GGACT: variants seen among roughly 807,000 people sequenced by gnomAD.
The protein encoded by GGACT is gamma-glutamylaminecyclotransferase.
For missense variants in GGACT, 241 were observed against 233.2 expected, an observed-to-expected ratio of 1.03 and a Z score of -0.22; for synonymous variants, 118 against 115.3, an observed-to-expected ratio of 1.02 and a Z score of -0.15.
rs540704081 is a variant in GGACT at position 100,571,339 on chromosome 13, G to C, written c.-11+12486C>G. ...GAAAATTGAAAAGACTGTATTTAAT[G>C]CAAAGATATTACAGTTTTTCTAATG... On this transcript the variant is annotated intron_variant, in intron 2 of 2. Coordinates refer to ENST00000683975, the MANE Select transcript of GGACT (RefSeq NM_001195087.2). Among the ~76,000 whole-genome samples the C allele has an allele frequency of 3.9e-5, 6 of 152,300 alleles. No homozygotes were observed. In the South Asian group the frequency reaches 1.2e-3, roughly 32 times the overall value.
At chr13:100,582,557 G>A (rs1158366725) in intron 2 of GGACT, among the ~76,000 whole-genome samples, 3 of 152,148 alleles carry the variant, frequency 2.0e-5, no homozygotes. Context: ...CCTTAAAACT[G>A]GAAAACCTGC....
chr13:100,557,031 A>C (rs2088714862), intron 2 of GGACT, among the ~76,000 whole-genome samples: 1 of 152,086 alleles, frequency 6.6e-6, no homozygotes, highest in Non-Finnish European at 1.5e-5. Flanking sequence ...CTGGGACTAC[A>C]AGCATACACC....
chr13:100,570,045 C>T (rs1219118431), intron 2 of GGACT, among the ~76,000 whole-genome samples: 1 of 152,246 alleles, frequency 6.6e-6, no homozygotes. Context: ...CACTTTCCCA[C>T]ACCTTCCTGT....
At chr13:100,542,154 G>A (rs1162554639) in intron 2 of GGACT, among the ~76,000 whole-genome samples, 1 of 152,186 alleles carries the variant, frequency 6.6e-6, no homozygotes, top group Non-Finnish European at 1.5e-5. Context: ...TCAGAAAAGC[G>A]AATCAAGAAT....
At position 100,550,417 on chromosome 13, in the gene GGACT, TACACACACACACACACACACACACAC is replaced by T. The variant is rs61669253; in HGVS notation, c.-10-17842_-10-17817del. The stretch of plus-strand genomic sequence containing the variant: ...AATTAAATCCGAGCCGATTATACTC[TACACACACACACACACACACACACAC>T]ACACACACACACACACCACTTTTAA... On this transcript the variant is annotated intron_variant, in intron 2 of 2. Coordinates refer to ENST00000683975, the MANE Select transcript of GGACT (RefSeq NM_001195087.2). 3.6e-4 allele frequency among the ~76,000 whole-genome samples: 26 copies of T among 72,514 alleles called. 1 individual carries two copies. The highest frequency in any genetic ancestry group is 2.0e-3 in the African/African-American group (24 of 12,194). 47.6% of individuals were successfully genotyped at this position (72,514 alleles called of 152,430 possible).
At chr13:100,579,440 A>G (rs1253524011) in intron 2 of GGACT, among the ~76,000 whole-genome samples, 1 of 151,960 alleles carries the variant, frequency 6.6e-6, no homozygotes, top group East Asian at 1.9e-4. Context: ...TCTCTTCCCC[A>G]GTGCAGGTGA....
At chr13:100,552,919 G>T in intron 2 of GGACT, among the ~76,000 whole-genome samples, 1 of 152,116 alleles carries the variant, frequency 6.6e-6, no homozygotes, top group East Asian at 1.9e-4. Context: ...TCCTGCAGGA[G>T]AGGGCGACCC....
At chr13:100,566,309 C>A (rs556569027) in intron 2 of GGACT, among the ~76,000 whole-genome samples, 4 of 152,228 alleles carry the variant, frequency 2.6e-5, no homozygotes, top group Non-Finnish European at 5.9e-5. Context: ...AATGTCTTCA[C>A]GTGCTCACAA....
In GGACT at chr13:100,543,796, C is replaced by T. The variant is rs370320574; in HGVS notation, c.-10-11195G>A. 9.9e-4 allele frequency among the ~76,000 whole-genome samples: 151 copies of T among 152,342 alleles called. 1 individual carries two copies. Among genetic ancestry groups the T allele is most frequent in the African/African-American group, 3.4e-3 (141 of 41,580 alleles). The stretch of plus-strand genomic sequence containing the variant: ...GGCCAGGGAGAAATAGTATCAGAAT[C>T]ATAAACTCCTGGTCCAGAAGGTGGC... On this transcript the variant is annotated intron_variant, in intron 2 of 2. Transcript: ENST00000683975.
chr13:100,564,814 C>T (rs990779821), intron 2 of GGACT, among the ~76,000 whole-genome samples: 4 of 152,178 alleles, frequency 2.6e-5, no homozygotes, highest in African/African-American at 9.7e-5. Flanking sequence ...GTGCTCTATG[C>T]CCCGGGCAGG....
At chr13:100,553,539 T>C (rs1443796102) in intron 2 of GGACT, among the ~76,000 whole-genome samples, 2 of 151,768 alleles carry the variant, frequency 1.3e-5, no homozygotes, top group Non-Finnish European at 2.9e-5. Flanking sequence ...GCAGGACAAG[T>C]TTACCTGAAG....
chr13:100,531,027 C>T lies in GGACT; in HGVS notation c.*1103G>A, dbSNP rs2088363802. On this transcript the variant is annotated 3_prime_UTR_variant, in exon 3 of 3. Coordinates refer to ENST00000683975, the MANE Select transcript of GGACT (RefSeq NM_001195087.2). ...ATGTTTTTGTGCCAGATGCAGTTAG[C>T]GATCACAGTCTGCCATTAAGTTGAA... The T allele has an allele frequency of 6.6e-6, 1 of 152,208 alleles. No homozygotes were observed. The highest frequency in any genetic ancestry group is 2.4e-5 in the African/African-American group (1 of 41,442). 9.4% of individuals were successfully genotyped at this position (152,208 alleles called of 1,614,324 possible).
In GGACT at chr13:100,531,366, G is replaced by A. The variant is rs532448311; in HGVS notation, c.*764C>T. ...TCACCCCCAAATGCTCTCCCTTCAG[G>A]GGGCAGGGACGGGGTCTGGCTACTG... On this transcript the variant is annotated 3_prime_UTR_variant, in exon 3 of 3. Coordinates refer to ENST00000683975, the MANE Select transcript of GGACT (RefSeq NM_001195087.2). 1 of 152,182 alleles carries A rather than the reference G, an allele frequency of 6.6e-6. No homozygotes were observed. The highest frequency in any genetic ancestry group is 6.5e-5 in the Admixed American group (1 of 15,282). 9.4% of individuals were successfully genotyped at this position (152,182 alleles called of 1,614,324 possible).
chr13:100,551,155 G>A (rs1238546674), intron 2 of GGACT, among the ~76,000 whole-genome samples: 1 of 151,924 alleles, frequency 6.6e-6, no homozygotes, highest in Non-Finnish European at 1.5e-5. Context: ...GTGGTGGCGG[G>A]CGCCTGTGGT....
At chr13:100,546,912 C>A (rs1159196571) in intron 2 of GGACT, among the ~76,000 whole-genome samples, 1 of 152,182 alleles carries the variant, frequency 6.6e-6, no homozygotes, top group East Asian at 1.9e-4. Context: ...CTTCCTTTCA[C>A]CCCCCTACGT....
At chr13:100,575,996 T>G (rs1231932197) in intron 2 of GGACT, among the ~76,000 whole-genome samples, 1 of 152,232 alleles carries the variant, frequency 6.6e-6, no homozygotes, top group Non-Finnish European at 1.5e-5. Context: ...GATCTTGCAT[T>G]GCAAAATGCA....
At chr13:100,580,162 TCA>T (rs1164202300) in intron 2 of GGACT, 1 of 152,262 alleles carries the variant, frequency 6.6e-6, no homozygotes, top group East Asian at 1.9e-4. Context: ...TGCTGCTGCA[TCA>T]CAAAGTGAGG....
chr13:100,560,225 C>A (rs779766874), intron 2 of GGACT, among the ~76,000 whole-genome samples: 5 of 152,058 alleles, frequency 3.3e-5, no homozygotes, highest in African/African-American at 7.2e-5. Context: ...TTTAAAAAAA[C>A]GCACTGAACT....
intron 2 of GGACT, among the ~76,000 whole-genome samples, chr13:100,559,281 T>A (rs1371863263): frequency 6.6e-6 from 1 of 151,832 alleles, no homozygotes; most frequent in Admixed American, 6.6e-5. Flanking sequence ...TCCGCCTCCC[T>A]GGCTCAAGCG....
Sources: gnomAD v4.1 joint callset for allele counts (sites outside exome capture counted in the v4.1 genomes callset) on GRCh38, gnomAD v4.1.1 for gene constraint, MANE v1.5 for transcripts, NCBI Gene and HGNC (gene_info 2026-07-23, HGNC 2026-07-21) for gene names.